LDLRAD2: variants seen among roughly 807,000 people sequenced by gnomAD.
The protein encoded by LDLRAD2 is low-density lipoprotein receptor class A domain-containing protein 2.
Under a neutral mutation model 24.9 loss-of-function variants are expected in LDLRAD2, and 25 were observed. The ratio of observed to expected loss-of-function variants is 1.00; its 90% confidence interval spans 0.73 to 1.40. The LOEUF (loss-of-function observed/expected upper bound fraction) is 1.40, where lower values mean the gene tolerates loss of function less well. Ranked by LOEUF, LDLRAD2 falls within the 40% of genes most tolerant of loss-of-function variation. The pLI, the probability that LDLRAD2 is intolerant of heterozygous loss-of-function variation, is 0.00. For missense variants in LDLRAD2, 391 were observed against 366.2 expected (o/e 1.07, Z -0.55); for synonymous variants, 182 against 166.7 (o/e 1.09, Z -0.71).
In LDLRAD2 at chr1:21,823,650, G is replaced by A. The variant is rs770996473; in HGVS notation, c.*1435G>A. Reference sequence around the variant, plus strand: ...CGCTGCCCTTGGCGTTGACTGCCACGTTGGGACCTGGGGACCGGCCGCTGA... The same window carrying A: ...CGCTGCCCTTGGCGTTGACTGCCACATTGGGACCTGGGGACCGGCCGCTGA... On this transcript the variant is annotated 3_prime_UTR_variant, in exon 5 of 5. Coordinates refer to ENST00000344642, the MANE Select transcript of LDLRAD2 (RefSeq NM_001013693.3). 21 of 1,613,774 alleles carry A rather than the reference G, an allele frequency of 1.3e-5. No individual in the cohort carries two copies. The Admixed American group carries it at 2.2e-4, about 17-fold the overall frequency.
intron 2 of LDLRAD2, among the ~76,000 whole-genome samples, chr1:21,815,315 G>A (rs951120981): frequency 2.6e-5 from 4 of 152,132 alleles, no homozygotes; most frequent in African/African-American, 2.4e-5. Flanking sequence ...ACACAGTACC[G>A]CCTTGCACAC....
In LDLRAD2 at chr1:21,814,707, G is replaced by GC; in HGVS notation, c.397dup (p.Leu133ProfsTer60). The GC allele has an allele frequency of 6.4e-7, 1 of 1,564,602 alleles. No homozygotes were observed. ...CGGCCCCTGGGGTCCCCACTGTGCG[G>GC]CCTGAACATCCCGGTGCCTGTGGCA... On this transcript the variant is annotated frameshift_variant, in exon 2 of 5. Transcript: ENST00000344642. LOFTEE classifies it high-confidence loss of function.
At chr1:21,815,448 C>G (rs1045083931) in intron 2 of LDLRAD2, among the ~76,000 whole-genome samples, 5 of 152,178 alleles carry the variant, frequency 3.3e-5, no homozygotes, top group African/African-American at 1.2e-4. Flanking sequence ...GAAACCAACT[C>G]AAGCCAGGAA....
At chr1:21,818,001 G>C (rs1044013602) in intron 3 of LDLRAD2, among the ~76,000 whole-genome samples, 1 of 151,922 alleles carries the variant, frequency 6.6e-6, no homozygotes, top group Non-Finnish European at 1.5e-5. Flanking sequence ...CTCAGCCTCC[G>C]GTGTAGCTGG....
chr1:21,818,157 GC>G (rs2097946021), intron 3 of LDLRAD2, among the ~76,000 whole-genome samples: 1 of 31,160 alleles, frequency 3.2e-5, no homozygotes, highest in African/African-American at 1.7e-4. Flanking sequence ...GATTACAGGT[GC>G]ACACCACCAC....
At position 21,823,880 on chromosome 1, in the gene LDLRAD2, C is replaced by T. The variant is rs1160825774; in HGVS notation, c.*1665C>T. ...CCGCTGAACGAGAGATCGGGCCCCACAAACACAGCTTCCTCATTTCTGCAC... is the reference window on the plus strand; with the variant it reads ...CCGCTGAACGAGAGATCGGGCCCCATAAACACAGCTTCCTCATTTCTGCAC... On this transcript the variant is annotated 3_prime_UTR_variant, in exon 5 of 5. Coordinates refer to ENST00000344642, the MANE Select transcript of LDLRAD2 (RefSeq NM_001013693.3). 2.6e-5 allele frequency: 19 copies of T among 741,498 alleles called. No individual in the cohort carries two copies. The Admixed American group carries it at 4.0e-4, about 15-fold the overall frequency. 45.9% of individuals were successfully genotyped at this position (741,498 alleles called of 1,614,324 possible).
rs373098783 is a variant in LDLRAD2 at position 21,823,751 on chromosome 1, C to G, written c.*1536C>G. On this transcript the variant is annotated 3_prime_UTR_variant, in exon 5 of 5. Coordinates refer to ENST00000344642, the MANE Select transcript of LDLRAD2 (RefSeq NM_001013693.3). ...TGGAACTGGGTCAGGCCCCTTTCCA[C>G]AAACTTCCTGGTCCTCCCCGGCCCC... is the stretch of plus-strand genomic sequence containing the variant. 77 of 1,575,196 alleles carry G rather than the reference C, an allele frequency of 4.9e-5. No homozygotes were observed. Among genetic ancestry groups the G allele is most frequent in the Middle Eastern group, 1.7e-4 (1 of 6,004 alleles).
At position 21,824,453 on chromosome 1, in the gene LDLRAD2, C is replaced by T. The variant is rs2097963164; in HGVS notation, c.*2238C>T. On this transcript the variant is annotated 3_prime_UTR_variant, in exon 5 of 5. Coordinates refer to ENST00000344642, the MANE Select transcript of LDLRAD2 (RefSeq NM_001013693.3). This position sits in a 1 kb window ranked among gnomAD's most constrained non-coding sequence, Gnocchi z 5.9. ...TGCCGAGGCCAGGGGGCTCTGCTTTCCCCTCCCCCCACCACTCCGGCCACC... is the reference window on the plus strand; with the variant it reads ...TGCCGAGGCCAGGGGGCTCTGCTTTTCCCTCCCCCCACCACTCCGGCCACC... The T allele has an allele frequency of 2.5e-6, 4 of 1,601,478 alleles. No individual in the cohort carries two copies. Among genetic ancestry groups the T allele is most frequent in the Non-Finnish European group, 3.4e-6 (4 of 1,171,074 alleles).
chr1:21,812,583 C>T (rs1355267877), intron 1 of LDLRAD2, 47 bp downstream of exon 1: 8 of 1,488,786 alleles, frequency 5.4e-6, no homozygotes, highest in South Asian at 1.1e-5. Flanking sequence ...ACTTGGGCCC[C>T]CACCATCCTT....
chr1:21,819,561 A>G (rs1202477822), intron 3 of LDLRAD2, among the ~76,000 whole-genome samples: 2 of 147,698 alleles, frequency 1.4e-5, no homozygotes, highest in East Asian at 4.1e-4. Context: ...CTTTATAAGC[A>G]TATACATATG....
intron 2 of LDLRAD2, among the ~76,000 whole-genome samples, chr1:21,815,638 AT>A (rs1241348504): frequency 3.9e-5 from 6 of 152,178 alleles, no homozygotes; most frequent in Non-Finnish European, 2.9e-5. Context: ...AATTTAAAAA[AT>A]ATAATAATTA....
Position 21,823,214 on chromosome 1 carries a change from G to T in LDLRAD2, c.*999G>T. On this transcript the variant is annotated 3_prime_UTR_variant, in exon 5 of 5. Coordinates refer to ENST00000344642, the MANE Select transcript of LDLRAD2 (RefSeq NM_001013693.3). ...GGCGGTAGCAGCAAAGCGTGGCATC[G>T]CCTCGGTTTCTTACAAAAATTCATA... 8.7e-7 allele frequency: 1 copy of T among 1,148,664 alleles called. No individual in the cohort carries two copies. Among genetic ancestry groups the T allele is most frequent in the Non-Finnish European group, 1.2e-6 (1 of 860,074 alleles). 71.2% of individuals were successfully genotyped at this position (1,148,664 alleles called of 1,614,324 possible).
Position 21,823,173 on chromosome 1 carries a change from C to T in LDLRAD2, c.*958C>T, listed in dbSNP as rs2097956309. 2.4e-6 allele frequency: 2 copies of T among 825,582 alleles called. No individual in the cohort carries two copies. Among genetic ancestry groups the T allele is most frequent in the Non-Finnish European group, 3.5e-6 (2 of 568,970 alleles). 51.1% of individuals were successfully genotyped at this position (825,582 alleles called of 1,614,324 possible). ...GTGTGTGTGAGGGTGGCATGCCCAC[C>T]TCCAGTCCAGCCCAGGGCGGTAGCA... is the stretch of plus-strand genomic sequence containing the variant. On this transcript the variant is annotated 3_prime_UTR_variant, in exon 5 of 5. Transcript: ENST00000344642.
rs572442894 is a variant in LDLRAD2 at position 21,823,346 on chromosome 1, G to A, written c.*1131G>A. ...AGGGGCAGGGGCGTGTGTTGGCCCC[G>A]GCCTGGGCGCGGTGCTGCAGGTCCA... On this transcript the variant is annotated 3_prime_UTR_variant, in exon 5 of 5. Coordinates refer to ENST00000344642, the MANE Select transcript of LDLRAD2 (RefSeq NM_001013693.3). 1.2e-4 allele frequency: 187 copies of A among 1,543,444 alleles called. 2 individuals are homozygous for A. The South Asian group carries it at 1.8e-3, about 15-fold the overall frequency.
At chr1:21,820,842 G>A (rs939465713) in intron 3 of LDLRAD2, among the ~76,000 whole-genome samples, 9 of 152,224 alleles carry the variant, frequency 5.9e-5, no homozygotes, top group African/African-American at 2.2e-4. Flanking sequence ...CAGAGTTGTT[G>A]TAAACTGTGA....
Position 21,812,392 on chromosome 1 carries a change from A to G in LDLRAD2, c.-60A>G. ...CCAGGCCCCATACTCCAGTCTCCCC[A>G]GAGACCCCAAGCTGAAGATTCTGTG... is the stretch of plus-strand genomic sequence containing the variant. On this transcript the variant is annotated 5_prime_UTR_variant, in exon 1 of 5. Coordinates refer to ENST00000344642, the MANE Select transcript of LDLRAD2 (RefSeq NM_001013693.3). 2 of 1,416,870 alleles carry G rather than the reference A, an allele frequency of 1.4e-6. No individual in the cohort carries two copies. The highest frequency in any genetic ancestry group is 1.0e-6 in the Non-Finnish European group (1 of 1,003,872). 87.8% of individuals were successfully genotyped at this position (1,416,870 alleles called of 1,614,324 possible). A position where few individuals can be genotyped will look rare whatever the true frequency, so the allele number is the denominator to read the frequency against.
Position 21,821,504 on chromosome 1 carries a change from C to G in LDLRAD2, c.698C>G (p.Ser233Cys). ...AGTACAGATGCCCATACCTCCAGAT[C>G]CCTGACTCCCTCCCCAGCTCTCGGG... ...TGSTDAHTSR[S>C]LTPSPALGSA... The change falls in exon 4 of 5, where the codon TCC becomes TGC. Residue 233 changes from serine (S) to cysteine (C), a missense_variant. By Grantham distance (112) the Ser-to-Cys change is moderately radical (BLOSUM62 -1). Transcript: ENST00000344642. 6.2e-7 allele frequency: 1 copy of G among 1,614,128 alleles called. No individual in the cohort carries two copies. Among genetic ancestry groups the G allele is most frequent in the South Asian group, 1.1e-5 (1 of 91,078 alleles).
At chr1:21,812,673 T>C in intron 1 of LDLRAD2, 137 bp downstream of exon 1, 1 of 693,404 alleles carries the variant, frequency 1.4e-6, no homozygotes. Context: ...AAACTGTGTC[T>C]GGTCTTGCTT....
intron 3 of LDLRAD2, among the ~76,000 whole-genome samples, chr1:21,817,311 C>CTTCTTT (rs949249135): frequency 1.3e-5 from 2 of 152,124 alleles, no homozygotes; most frequent in Admixed American, 6.6e-5. Context: ...CTGGGGGAGC[C>CTTCTTT]TTCTTTTTCT....
Sources: gnomAD v4.1 joint callset for allele counts (sites outside exome capture counted in the v4.1 genomes callset) on GRCh38, gnomAD v4.1.1 for gene constraint, Gnocchi (gnomAD v3.1) non-coding constraint, MANE v1.5 for transcripts, NCBI Gene and HGNC (gene_info 2026-07-23, HGNC 2026-07-21) for gene names.